The following AFF3 variants were observed in gnomAD, a reference collection of about 807,000 sequenced individuals.
AFF3 encodes AF4/FMR2 family member 3.
A neutral mutation model predicts 129.7 loss-of-function variants in AFF3; 32 were observed. That is an observed-to-expected ratio of 0.25 (90% CI 0.19 to 0.33). The LOEUF (loss-of-function observed/expected upper bound fraction) is 0.33. AFF3 is among the 10% of genes least tolerant of loss of function. AFF3 has a pLI of 1.00. For synonymous variants in AFF3, 644 were observed against 635.4 expected (o/e 1.01, Z -0.20); for missense variants, 1,373 against 1,592.0 (o/e 0.86, Z 2.34).
intron 7 of AFF3, among the ~76,000 whole-genome samples, chr2:99,986,627 G>A (rs147195177): frequency 7.9e-4 from 121 of 152,232 alleles, no homozygotes; most frequent in African/African-American, 2.8e-3. Context: ...GTGGTTCTAA[G>A]TGCATTTTAA....
chr2:99,649,093 C>T (rs1464446041), intron 13 of AFF3, among the ~76,000 whole-genome samples: 4 of 152,004 alleles, frequency 2.6e-5, no homozygotes, highest in African/African-American at 9.7e-5. Flanking sequence ...GTGTGTGTTT[C>T]TTGATGAGGT....
At chr2:99,914,658 G>A (rs1043043056) in intron 7 of AFF3, among the ~76,000 whole-genome samples, 1 of 152,076 alleles carries the variant, frequency 6.6e-6, no homozygotes, top group African/African-American at 2.4e-5. Context: ...GCTCATGCCT[G>A]TAATCCCAGC....
chr2:99,673,786 G>A (rs1025387860), intron 11 of AFF3, among the ~76,000 whole-genome samples: 4 of 152,210 alleles, frequency 2.6e-5, no homozygotes, highest in Non-Finnish European at 4.4e-5. Flanking sequence ...AGTCATTTCA[G>A]TCACTTTTGG....
intron 7 of AFF3, among the ~76,000 whole-genome samples, chr2:99,916,548 T>C (rs1032885350): frequency 6.6e-6 from 1 of 152,006 alleles, no homozygotes; most frequent in African/African-American, 2.4e-5. Flanking sequence ...CTGGCAAAGA[T>C]GGAGAGAGGC....
At chr2:99,993,615 A>C (rs1356802157) in intron 7 of AFF3, among the ~76,000 whole-genome samples, 1 of 151,882 alleles carries the variant, frequency 6.6e-6, no homozygotes, top group Non-Finnish European at 1.5e-5. Flanking sequence ...TGGACACTTC[A>C]AAATACAAGA....
At chr2:100,050,627 C>A (rs1441081434) in intron 4 of AFF3, among the ~76,000 whole-genome samples, 2 of 152,202 alleles carry the variant, frequency 1.3e-5, no homozygotes, top group Non-Finnish European at 2.9e-5. Flanking sequence ...GTCCACTACA[C>A]AGCACTGTGC....
intron 11 of AFF3, among the ~76,000 whole-genome samples, chr2:99,700,276 A>C (rs748322072): frequency 3.9e-5 from 6 of 152,106 alleles, no homozygotes; most frequent in Non-Finnish European, 7.3e-5. Context: ...GTGTGCCACC[A>C]TGCCCGGCTA....
chr2:99,821,775 G>C (rs180993047), intron 8 of AFF3, among the ~76,000 whole-genome samples: 32 of 152,246 alleles, frequency 2.1e-4, no homozygotes, highest in African/African-American at 7.7e-4. Context: ...CTATGACCTC[G>C]TGATGACCAA....
At chr2:99,725,610 G>T (rs1443306186) in intron 11 of AFF3, among the ~76,000 whole-genome samples, 1 of 152,128 alleles carries the variant, frequency 6.6e-6, no homozygotes, top group African/African-American at 2.4e-5. Context: ...GATTACAAGC[G>T]TGAGCCACTG....
intron 12 of AFF3, among the ~76,000 whole-genome samples, chr2:99,656,725 C>T (rs935124097): frequency 6.6e-6 from 1 of 152,212 alleles, no homozygotes; most frequent in Admixed American, 6.5e-5. Flanking sequence ...TTGTGGGCTT[C>T]CATTTAGTAT....
chr2:99,935,438 T>C (rs4641993), intron 7 of AFF3, among the ~76,000 whole-genome samples: 30,893 of 152,120 alleles, frequency 0.2, 4,262 homozygotes, highest in African/African-American at 0.39. Flanking sequence ...GGGGAGCAGG[T>C]ATTTTCTTTA....
At chr2:99,616,679 C>T (rs1681468948) in intron 13 of AFF3, among the ~76,000 whole-genome samples, 1 of 152,056 alleles carries the variant, frequency 6.6e-6, no homozygotes, top group Non-Finnish European at 1.5e-5. Flanking sequence ...TCGCTTGAAC[C>T]CAGGAGGTGG....
chr2:100,072,516 GCTGATC>G (rs779342744), intron 4 of AFF3, among the ~76,000 whole-genome samples: 2 of 152,172 alleles, frequency 1.3e-5, no homozygotes, highest in Non-Finnish European at 2.9e-5. Flanking sequence ...CCCATGGAGA[GCTGATC>G]CTGAGTTGGG....
rs558437887 is a variant in AFF3 at position 99,670,390 on chromosome 2, G to A, written c.1143+2148C>T. Among the ~76,000 whole-genome samples, 487 of 99,902 alleles carry A rather than the reference G, an allele frequency of 4.9e-3. 4 individuals carry two copies. Among genetic ancestry groups the A allele is most frequent in the African/African-American group, 0.023 (469 of 20,610 alleles). 65.5% of individuals were successfully genotyped at this position (99,902 alleles called of 152,430 possible). A position where few individuals can be genotyped will look rare whatever the true frequency, so the allele number is the denominator to read the frequency against. On this transcript the variant is annotated intron_variant, in intron 12 of 24. Transcript: ENST00000672756. ...AGATATAATGTCAGAAAAGGTTAAGGATTTTTCATACACTGTAGTGTTTAC... is the reference window on the plus strand; with the variant it reads ...AGATATAATGTCAGAAAAGGTTAAGAATTTTTCATACACTGTAGTGTTTAC...
At chr2:99,705,896 A>C (rs949414127) in intron 11 of AFF3, among the ~76,000 whole-genome samples, 1 of 151,426 alleles carries the variant, frequency 6.6e-6, no homozygotes, top group African/African-American at 2.4e-5. Flanking sequence ...AAAAAAAAAA[A>C]AAAACACGCC....
At chr2:99,718,053 C>A (rs1185823802) in intron 11 of AFF3, among the ~76,000 whole-genome samples, 1 of 152,204 alleles carries the variant, frequency 6.6e-6, no homozygotes, top group Non-Finnish European at 1.5e-5. Flanking sequence ...ATCAGTGCCA[C>A]ACTGTCTTAA....
At chr2:99,994,739 G>A (rs1171478908) in intron 7 of AFF3, among the ~76,000 whole-genome samples, 2 of 152,222 alleles carry the variant, frequency 1.3e-5, no homozygotes, top group Non-Finnish European at 2.9e-5. Flanking sequence ...CTGATAAGTG[G>A]ATGGAGATCA....
chr2:99,572,833 T>C (rs1051107056), intron 18 of AFF3, among the ~76,000 whole-genome samples: 3 of 152,242 alleles, frequency 2.0e-5, no homozygotes, highest in African/African-American at 7.2e-5. Flanking sequence ...ACTGCCTTTA[T>C]AGGCACTTCC....
chr2:99,757,951 C>T (rs554373875), intron 8 of AFF3, among the ~76,000 whole-genome samples: 7 of 152,310 alleles, frequency 4.6e-5, no homozygotes, highest in Admixed American at 6.5e-5. Flanking sequence ...CTTGTTTATA[C>T]ATCAGTGCCT....
Sources: allele counts gnomAD v4.1 joint callset (sites outside exome capture counted in the v4.1 genomes callset), GRCh38; gene constraint gnomAD v4.1.1; transcripts MANE v1.5; gene names NCBI Gene and HGNC (gene_info 2026-07-23, HGNC 2026-07-21).